Variants in ENC1 observed in about 807,000 individuals in gnomAD.
ENC1 encodes the protein ectoderm-neural cortex protein 1.
In ENC1, 19 loss-of-function variants were observed where a neutral mutation model predicts 40.9. That is an observed-to-expected ratio of 0.46 (90% CI 0.32 to 0.68). The LOEUF is 0.68. ENC1 is among the 30% of genes least tolerant of loss of function. ENC1 has a pLI of 0.03. For synonymous variants in ENC1, 285 were observed against 291.1 expected (o/e 0.98, Z 0.21); for missense variants, 479 against 737.5 (o/e 0.65, Z 4.06).
intron 1 of ENC1, among the ~76,000 whole-genome samples, chr5:74,639,506 G>T (rs1043540226): frequency 3.9e-5 from 6 of 152,178 alleles, no homozygotes; most frequent in African/African-American, 1.2e-4. Flanking sequence ...TTAGCGTCCC[G>T]CACCCTTCTC....
Position 74,636,375 on chromosome 5 carries a change from A to G in ENC1, c.111T>C (p.Asn37=). The G allele has an allele frequency of 6.2e-7, 1 of 1,614,154 alleles. No homozygotes were observed. The highest frequency in any genetic ancestry group is 1.1e-5 in the South Asian group (1 of 91,076). ...TGAAGAGACGCTGCTGGCGTAAAAG[A>G]TTCAGGTGAGTGAGGACGCTGTCAG... ...SYADSVLTHL[N]LLRQQRLFTD... Residue 37 remains asparagine (N), a synonymous_variant, in exon 2 of 3, where the codon AAT becomes AAC. Transcript: ENST00000302351. The surrounding 1 kb of genome is among the most constrained non-coding windows in gnomAD (Gnocchi z 4.8).
intron 1 of ENC1, among the ~76,000 whole-genome samples, chr5:74,639,111 A>T (rs1022214064): frequency 2.6e-5 from 4 of 152,248 alleles, no homozygotes; most frequent in African/African-American, 9.6e-5. Context: ...CCCAGATGGA[A>T]AAGCACGTCA....
chr5:74,634,616 C>T (rs1747506440), intron 2 of ENC1, 68 bp downstream of exon 2: 2 of 742,382 alleles, frequency 2.7e-6, no homozygotes, highest in Non-Finnish European at 4.6e-6. Context: ...TCAGATCTCA[C>T]CCCATGTACT....
intron 2 of ENC1, among the ~76,000 whole-genome samples, chr5:74,634,004 G>A (rs1437400687): frequency 6.6e-6 from 1 of 152,190 alleles, no homozygotes; most frequent in Non-Finnish European, 1.5e-5. Context: ...ACAGAGGTCA[G>A]GGGTTCTCAA....
intron 2 of ENC1, among the ~76,000 whole-genome samples, chr5:74,633,086 G>T (rs759225298): frequency 2.7e-4 from 41 of 152,114 alleles, no homozygotes; most frequent in Non-Finnish European, 5.0e-4. Context: ...TGTTTTCATT[G>T]TAGTTCCTCC....
rs1747576639 is a variant in ENC1, at chr5:74,636,024, C to G, written c.462G>C (p.Leu154=). 2 of 1,614,052 alleles carry G rather than the reference C, an allele frequency of 1.2e-6. No homozygotes were observed. Among genetic ancestry groups the G allele is most frequent in the Admixed American group, 1.7e-5 (1 of 59,996 alleles). ...TGGTGCACTGGTGTGCATCAGACAG[C>G]AGCAGCATGCCCAGGCAGTTGGTGG... The part of the protein sequence containing the change: ...LHPTNCLGML[L]LSDAHQCTKL... Residue 154 remains leucine (L), a synonymous_variant, in exon 2 of 3, where the codon CTG becomes CTC. Transcript: ENST00000302351. The surrounding 1 kb of genome is among the most constrained non-coding windows in gnomAD (Gnocchi z 4.8).
At chr5:74,632,669 C>T (rs538069179) in intron 2 of ENC1, among the ~76,000 whole-genome samples, 1 of 152,288 alleles carries the variant, frequency 6.6e-6, no homozygotes, top group East Asian at 1.9e-4. Context: ...GCTTTACCAA[C>T]ATGGTGAAAC....
In ENC1 at chr5:74,635,195, G is replaced by A; in HGVS notation, c.1291C>T (p.Arg431Ter). Residue 431 changes from arginine (R) to a stop codon, truncating the protein, a stop_gained, in exon 2 of 3, where the codon CGA (arginine) becomes TGA (stop). Coordinates refer to ENST00000302351, the MANE Select transcript of ENC1 (RefSeq NM_003633.4). LOFTEE classifies it high-confidence loss of function. This position sits in a 1 kb window ranked among gnomAD's most constrained non-coding sequence, Gnocchi z 5.5. Reference sequence around the variant, plus strand: ...ACTGCGGCGTTGCTAACGCCTTCTCGGAGTGGGGCCACCATGGTCCATTTG... The same window carrying A: ...ACTGCGGCGTTGCTAACGCCTTCTCAGAGTGGGGCCACCATGGTCCATTTG... The part of the protein sequence containing the change: ...INKWTMVAPL[R>*]EGVSNAAVVS... The A allele has an allele frequency of 5.6e-6, 9 of 1,614,170 alleles. No homozygotes were observed. The highest frequency in any genetic ancestry group is 1.3e-5 in the African/African-American group (1 of 75,048).
rs775660875 is a variant in ENC1 at position 74,636,280 on chromosome 5, C to T, written c.206G>A (p.Arg69His). ...ACCACTGAACATGGCCTCAAAGTAG[C>T]GACTGCATGCAGCCAGCACTGCCCG... is the stretch of plus-strand genomic sequence containing the variant. Reference protein sequence around the residue: ...CHRAVLAACSRYFEAMFSGGL... With the variant: ...CHRAVLAACSHYFEAMFSGGL... Residue 69 changes from arginine (R) to histidine (H), a missense_variant, in exon 2 of 3, where the codon CGC becomes CAC. Physicochemically the swap from Arg to His is conservative, Grantham distance 29. Transcript: ENST00000302351. The surrounding 1 kb of genome is among the most constrained non-coding windows in gnomAD (Gnocchi z 4.8). 1.2e-5 allele frequency: 20 copies of T among 1,614,166 alleles called. No homozygotes were observed. The highest frequency in any genetic ancestry group is 1.6e-4 in the Middle Eastern group (1 of 6,062).
chr5:74,633,181 A>G (rs1470279632), intron 2 of ENC1, among the ~76,000 whole-genome samples: 1 of 152,252 alleles, frequency 6.6e-6, no homozygotes, highest in East Asian at 1.9e-4. Flanking sequence ...GCGCTGGGCT[A>G]TACTTACACA....
At chr5:74,633,455 A>G (rs1747460167) in intron 2 of ENC1, among the ~76,000 whole-genome samples, 1 of 152,232 alleles carries the variant, frequency 6.6e-6, no homozygotes, top group African/African-American at 2.4e-5. Context: ...TTATCTGCAC[A>G]AATTTCTGCT....
At chr5:74,637,682 A>G (rs1405228040) in intron 1 of ENC1, 1 of 152,208 alleles carries the variant, frequency 6.6e-6, no homozygotes, top group Non-Finnish European at 1.5e-5. Flanking sequence ...CTGTTCCTGT[A>G]TACCTGCAAA....
At chr5:74,631,402 C>CCAAATGTAGGT in intron 2 of ENC1, among the ~76,000 whole-genome samples, 1 of 152,286 alleles carries the variant, frequency 6.6e-6, no homozygotes, top group African/African-American at 2.4e-5. Context: ...CTATTAATTC[C>CCAAATGTAGGT]GTTAGCACCT....
intron 2 of ENC1, among the ~76,000 whole-genome samples, chr5:74,633,723 C>G (rs553888892): frequency 6.6e-6 from 1 of 152,198 alleles, no homozygotes; most frequent in African/African-American, 2.4e-5. Flanking sequence ...CAAGTTTATT[C>G]GGTGGCAGTG....
In ENC1 at chr5:74,635,653, T is replaced by C; in HGVS notation, c.833A>G (p.Gln278Arg). ...GAGGCTGGTTACCACACCGTCATTCTGCAGGATTTTCAGTTTGCACCTGAT... is the reference window on the plus strand; with the variant it reads ...GAGGCTGGTTACCACACCGTCATTCCGCAGGATTTTCAGTTTGCACCTGAT... ...EAIRCKLKIL[Q>R]NDGVVTSLCA... The change falls in exon 2 of 3, where the codon CAG becomes CGG. Residue 278 changes from glutamine (Q) to arginine (R), a missense_variant. Gln to Arg is a conservative substitution (Grantham distance 43). Transcript: ENST00000302351. This position sits in a 1 kb window ranked among gnomAD's most constrained non-coding sequence, Gnocchi z 5.5. 1 of 1,614,222 alleles carries C rather than the reference T, an allele frequency of 6.2e-7. No individual in the cohort carries two copies. The highest frequency in any genetic ancestry group is 8.5e-7 in the Non-Finnish European group (1 of 1,180,032).
At chr5:74,630,814 G>C (rs1747366336) in intron 2 of ENC1, among the ~76,000 whole-genome samples, 1 of 152,306 alleles carries the variant, frequency 6.6e-6, no homozygotes, top group African/African-American at 2.4e-5. Flanking sequence ...TGTGCAGAGG[G>C]CTTTTGTATC....
Position 74,635,560 on chromosome 5 carries a change from T to C in ENC1, c.926A>G (p.Lys309Arg). ...LLGGQTFMCDKLYLVDQKAKE... is the reference protein window; with the variant it reads ...LLGGQTFMCDRLYLVDQKAKE... Reference sequence around the variant, plus strand: ...GGCCTTCTGGTCTACCAGATACAACTTGTCACACATGAAAGTCTGTCCTCC... The same window carrying C: ...GGCCTTCTGGTCTACCAGATACAACCTGTCACACATGAAAGTCTGTCCTCC... Residue 309 changes from lysine (K) to arginine (R), a missense_variant, in exon 2 of 3, where the codon AAG becomes AGG. Coordinates refer to ENST00000302351, the MANE Select transcript of ENC1 (RefSeq NM_003633.4). The surrounding 1 kb of genome is among the most constrained non-coding windows in gnomAD (Gnocchi z 5.5). 1 of 1,614,194 alleles carries C rather than the reference T, an allele frequency of 6.2e-7. No individual in the cohort carries two copies. Among genetic ancestry groups the C allele is most frequent in the Non-Finnish European group, 8.5e-7 (1 of 1,180,032 alleles).
At chr5:74,632,777 G>A (rs934643124) in intron 2 of ENC1, among the ~76,000 whole-genome samples, 1 of 152,212 alleles carries the variant, frequency 6.6e-6, no homozygotes, top group African/African-American at 2.4e-5. Context: ...CTTGAACCCA[G>A]GAGGCGGAGG....
At chr5:74,638,932 G>T (rs1747716611) in intron 1 of ENC1, among the ~76,000 whole-genome samples, 1 of 152,140 alleles carries the variant, frequency 6.6e-6, no homozygotes. Context: ...AATTCAGGAT[G>T]GTGCAAAACA....
Sources: gnomAD v4.1 joint callset for allele counts (sites outside exome capture counted in the v4.1 genomes callset) on GRCh38, gnomAD v4.1.1 for gene constraint, Gnocchi (gnomAD v3.1) non-coding constraint, MANE v1.5 for transcripts, NCBI Gene and HGNC (gene_info 2026-07-23, HGNC 2026-07-21) for gene names.